Variants in TTC7B observed in about 807,000 individuals in gnomAD.
TTC7B encodes tetratricopeptide repeat domain 7B.
Under a neutral mutation model 106.8 loss-of-function variants are expected in TTC7B, and 28 were observed. The ratio of observed to expected loss-of-function variants is 0.26; its 90% confidence interval spans 0.19 to 0.36. TTC7B has a LOEUF of 0.36. TTC7B is among the 10% of genes least tolerant of loss of function. The pLI is 1.00. For synonymous variants in TTC7B, 405 were observed against 430.6 expected, an observed-to-expected ratio of 0.94 and a Z score of 0.74; for missense variants, 862 against 1,076.4, an observed-to-expected ratio of 0.80 and a Z score of 2.79.
At chr14:90,719,146 C>T (rs536211189) in intron 5 of TTC7B, among the ~76,000 whole-genome samples, 32 of 152,100 alleles carry the variant, frequency 2.1e-4, no homozygotes, top group African/African-American at 4.1e-4. Context: ...CCTGGTGGCA[C>T]GCACCTGCAG....
At chr14:90,772,019 T>G (rs1890884313) in intron 3 of TTC7B, among the ~76,000 whole-genome samples, 1 of 146,524 alleles carries the variant, frequency 6.8e-6, no homozygotes, top group Admixed American at 6.9e-5. Flanking sequence ...AATAAAGAAA[T>G]ATATATATAT....
chr14:90,736,938 A>T (rs1889557274), intron 4 of TTC7B, among the ~76,000 whole-genome samples: 1 of 151,296 alleles, frequency 6.6e-6, no homozygotes, highest in Admixed American at 6.6e-5. Flanking sequence ...ATATACACAC[A>T]TACATATATA....
In TTC7B at chr14:90,805,365, C is replaced by T. The variant is rs1042764714; in HGVS notation, c.121+10810G>A. On this transcript the variant is annotated intron_variant, in intron 1 of 19. Coordinates refer to ENST00000328459, the MANE Select transcript of TTC7B (RefSeq NM_001010854.2). The surrounding 1 kb of genome is among the most constrained non-coding windows in gnomAD (Gnocchi z 4.0). ...CTACCTCCCGGGTTCAGGCAATTCT[C>T]CTGTTCTCCTGCCTCAGCCTCCCGC... Among the ~76,000 whole-genome samples, 4 of 152,188 alleles carry T rather than the reference C, an allele frequency of 2.6e-5. No homozygotes were observed. The highest frequency in any genetic ancestry group is 7.2e-5 in the African/African-American group (3 of 41,462).
intron 17 of TTC7B, among the ~76,000 whole-genome samples, chr14:90,602,485 G>A (rs1331267195): frequency 6.6e-6 from 1 of 152,170 alleles, no homozygotes; most frequent in Non-Finnish European, 1.5e-5. Flanking sequence ...AGGATCGCTT[G>A]AGCCCAGGAG....
chr14:90,702,861 A>G (rs546634599), intron 5 of TTC7B, among the ~76,000 whole-genome samples: 1 of 152,328 alleles, frequency 6.6e-6, no homozygotes, highest in African/African-American at 2.4e-5. Flanking sequence ...GCAGGGGAAC[A>G]GTCTCCAGCC....
intron 5 of TTC7B, among the ~76,000 whole-genome samples, chr14:90,717,608 T>C (rs1007029981): frequency 5.3e-5 from 8 of 152,278 alleles, no homozygotes; most frequent in African/African-American, 1.9e-4. Context: ...TTTAGCTCAA[T>C]CTCTCTGCAA....
chr14:90,703,138 C>T (rs1039054593), intron 5 of TTC7B, among the ~76,000 whole-genome samples: 30 of 152,250 alleles, frequency 2.0e-4, no homozygotes, highest in African/African-American at 6.5e-4. Flanking sequence ...AGCATGAGGG[C>T]GGGGTCCCCG....
chr14:90,685,509 G>A (rs773413672), intron 7 of TTC7B, among the ~76,000 whole-genome samples: 7 of 152,198 alleles, frequency 4.6e-5, no homozygotes, highest in South Asian at 4.1e-4. Context: ...TGTGGAAATC[G>A]ATGAAACAGA....
At chr14:90,665,387 A>G (rs988986660) in intron 9 of TTC7B, among the ~76,000 whole-genome samples, 1 of 152,252 alleles carries the variant, frequency 6.6e-6, no homozygotes, top group Non-Finnish European at 1.5e-5. Context: ...GCAAGAGCTT[A>G]TGCCTTTCCA....
At chr14:90,728,144 C>T (rs903895041) in intron 5 of TTC7B, among the ~76,000 whole-genome samples, 3 of 151,944 alleles carry the variant, frequency 2.0e-5, no homozygotes, top group South Asian at 2.1e-4. Flanking sequence ...ACTGTTGCAC[C>T]GTCCCAGCCT....
At chr14:90,561,767 T>C (rs1402699628) in intron 19 of TTC7B, among the ~76,000 whole-genome samples, 1 of 152,192 alleles carries the variant, frequency 6.6e-6, no homozygotes, top group Non-Finnish European at 1.5e-5. Flanking sequence ...GTGGACATCA[T>C]ATAAACCATG....
intron 9 of TTC7B, among the ~76,000 whole-genome samples, chr14:90,664,032 A>T (rs1486216414): frequency 6.6e-6 from 1 of 152,140 alleles, no homozygotes; most frequent in Non-Finnish European, 1.5e-5. Context: ...CCTCAACTAC[A>T]AAAGGAGACT....
chr14:90,627,766 G>A (rs556340274), intron 15 of TTC7B, among the ~76,000 whole-genome samples: 31 of 152,140 alleles, frequency 2.0e-4, no homozygotes, highest in Non-Finnish European at 3.5e-4. Context: ...TTTTTAGCAC[G>A]AACAAACAAC....
intron 15 of TTC7B, 35 bp from the exon 16 acceptor site, chr14:90,618,080 G>C: frequency 1.3e-6 from 2 of 1,510,232 alleles, no homozygotes; most frequent in Non-Finnish European, 1.8e-6. Context: ...AAACACCACG[G>C]CTCAAGCCAC....
chr14:90,672,302 T>C lies in TTC7B; in HGVS notation c.1152+4221A>G, dbSNP rs921681881. On this transcript the variant is annotated intron_variant, in intron 9 of 19. Coordinates refer to ENST00000328459, the MANE Select transcript of TTC7B (RefSeq NM_001010854.2). Reference sequence around the variant, plus strand: ...ATGTAAAAGAAGATCTAGCAAGGTTTCTGAGGCAAAGAGGACTTACTCACA... The same window carrying C: ...ATGTAAAAGAAGATCTAGCAAGGTTCCTGAGGCAAAGAGGACTTACTCACA... Among the ~76,000 whole-genome samples, 5 of 152,212 alleles carry C rather than the reference T, an allele frequency of 3.3e-5. No individual in the cohort carries two copies. The South Asian group carries it at 6.2e-4, about 19-fold the overall frequency.
chr14:90,605,622 T>G, intron 17 of TTC7B: 1 of 1,287,174 alleles, frequency 7.8e-7, no homozygotes. Context: ...GGCGGGGACC[T>G]GCGTCACTGA....
rs573244110 is a variant in TTC7B at position 90,694,359 on chromosome 14, G to A, written c.777+1141C>T. The stretch of plus-strand genomic sequence containing the variant: ...CCAGGGACTAGGGGGAGGGGAAAAT[G>A]GGGATTGACTACTAACGAGTATAGA... On this transcript the variant is annotated intron_variant, in intron 6 of 19. Coordinates refer to ENST00000328459, the MANE Select transcript of TTC7B (RefSeq NM_001010854.2). Among the ~76,000 whole-genome samples the A allele has an allele frequency of 2.0e-5, 3 of 152,230 alleles. No homozygotes were observed. In the South Asian group the frequency reaches 6.2e-4, roughly 32 times the overall value.
intron 1 of TTC7B, among the ~76,000 whole-genome samples, chr14:90,790,140 ATCTG>A (rs1044697637): frequency 6.6e-6 from 1 of 152,082 alleles, no homozygotes. Flanking sequence ...CTACCTTTAT[ATCTG>A]TCTGTGTCCC....
Position 90,541,515 on chromosome 14 carries a change from C to G in TTC7B, c.2385G>C (p.Ser795=), listed in dbSNP as rs142524402. The G allele has an allele frequency of 6.2e-6, 10 of 1,613,932 alleles. No individual in the cohort carries two copies. In the East Asian group the frequency reaches 1.6e-4, roughly 25 times the overall value. ...KILRDAVQVN[S]TAHEVWNGLG... ...GCCCGTTCCAGACCTCGTGGGCTGT[C>G]GAGTTCACCTGCACCGCGTCCCGGA... The change falls in exon 20 of 20, where the codon TCG becomes TCC. Residue 795 remains serine, a synonymous_variant. Transcript: ENST00000328459.
Sources: gnomAD v4.1 joint callset for allele counts (sites outside exome capture counted in the v4.1 genomes callset) on GRCh38, gnomAD v4.1.1 for gene constraint, Gnocchi (gnomAD v3.1) non-coding constraint, MANE v1.5 for transcripts, NCBI Gene and HGNC (gene_info 2026-07-23, HGNC 2026-07-21) for gene names.